Variants in CLMN observed in about 807,000 individuals in gnomAD.
CLMN encodes calmin.
CLMN carries 57 observed loss-of-function variants against 92.7 expected under a neutral mutation model. The ratio of observed to expected loss-of-function variants is 0.61; its 90% CI spans 0.50 to 0.77. The LOEUF is 0.77. Among genes scored for constraint, CLMN ranks in the 30% least tolerant of loss-of-function variants. CLMN has a pLI of 0.00. For synonymous variants in CLMN, 466 were observed against 470.6 expected (o/e 0.99, Z 0.13); for missense variants, 1,158 against 1,237.5 (o/e 0.94, Z 0.96).
At position 95,221,541 on chromosome 14, in the gene CLMN, G is replaced by C. The variant is rs76374579; in HGVS notation, c.324+150C>G. 7 of 669,448 alleles carry C rather than the reference G, an allele frequency of 1.0e-5. No homozygotes were observed. The East Asian group carries it at 1.9e-4, about 18-fold the overall frequency. 41.5% of individuals were successfully genotyped at this position (669,448 alleles called of 1,614,324 possible). On this transcript the variant is annotated intron_variant, in intron 4 of 12. Transcript: ENST00000298912. ...TTCCCAACGGAGGGGTCATCTGAGT[G>C]ATTTCTGTGAAATTTAAGCTTAGTT...
rs571217671 is a variant in CLMN, at chr14:95,219,204, G to A, written c.324+2487C>T. On this transcript the variant is annotated intron_variant, in intron 4 of 12. Coordinates refer to ENST00000298912, the MANE Select transcript of CLMN (RefSeq NM_024734.4). ...CTGGAAGCAAACCTAGGACCTACTA[G>A]GTAATTCTGATAAATGCAGCAGGAG... 7.9e-5 allele frequency among the ~76,000 whole-genome samples: 12 copies of A among 152,306 alleles called. No individual in the cohort carries two copies. The East Asian group carries it at 1.9e-3, about 24-fold the overall frequency.
intron 1 of CLMN, among the ~76,000 whole-genome samples, chr14:95,296,559 T>C (rs1900817526): frequency 2.6e-5 from 4 of 152,246 alleles, no homozygotes; most frequent in African/African-American, 4.8e-5. Flanking sequence ...ACCAATAAGA[T>C]GTCAGCAGAA....
intron 1 of CLMN, among the ~76,000 whole-genome samples, chr14:95,311,476 AC>A (rs951389792): frequency 2.6e-5 from 4 of 151,742 alleles, no homozygotes; most frequent in African/African-American, 9.7e-5. Context: ...CACCAAAATG[AC>A]CCCAGGACTT....
At chr14:95,222,049 G>A (rs1897559620) in intron 3 of CLMN, among the ~76,000 whole-genome samples, 1 of 152,172 alleles carries the variant, frequency 6.6e-6, no homozygotes, top group Non-Finnish European at 1.5e-5. Flanking sequence ...GAACTGAAGT[G>A]GGTCAGCAAG....
chr14:95,246,500 G>A (rs1311828588), intron 1 of CLMN, among the ~76,000 whole-genome samples: 2 of 152,144 alleles, frequency 1.3e-5, no homozygotes, highest in South Asian at 2.1e-4. Context: ...ATGGAGTCTC[G>A]CTCTGTCGCC....
chr14:95,317,731 AAAG>A (rs1489486092), intron 1 of CLMN, among the ~76,000 whole-genome samples: 1 of 152,196 alleles, frequency 6.6e-6, no homozygotes, highest in African/African-American at 2.4e-5. Flanking sequence ...ATTGGCTGAG[AAAG>A]AAGATGAATC....
intron 1 of CLMN, among the ~76,000 whole-genome samples, chr14:95,319,194 C>G (rs1240536452): frequency 2.0e-5 from 3 of 152,206 alleles, no homozygotes; most frequent in Non-Finnish European, 2.9e-5. Context: ...TTGCCTGACC[C>G]CACCGATCCG....
chr14:95,254,043 C>G (rs1037012788), intron 1 of CLMN, among the ~76,000 whole-genome samples: 3 of 152,190 alleles, frequency 2.0e-5, no homozygotes, highest in Admixed American at 1.3e-4. Flanking sequence ...CCGAGAACCC[C>G]TGTCAAGATG....
intron 1 of CLMN, among the ~76,000 whole-genome samples, chr14:95,248,417 C>T (rs1204428398): frequency 2.0e-5 from 3 of 152,148 alleles, no homozygotes; most frequent in Admixed American, 6.5e-5. Context: ...GGCACAGAGA[C>T]GTTAGGTTAC....
At chr14:95,223,332 G>C (rs1034725133) in intron 3 of CLMN, among the ~76,000 whole-genome samples, 4 of 152,178 alleles carry the variant, frequency 2.6e-5, no homozygotes, top group African/African-American at 9.6e-5. Flanking sequence ...TGAACGTCAA[G>C]ACCAGCTGGC....
intron 5 of CLMN, among the ~76,000 whole-genome samples, chr14:95,214,129 A>G (rs1897266827): frequency 6.6e-6 from 1 of 152,002 alleles, no homozygotes; most frequent in Non-Finnish European, 1.5e-5. Context: ...CTGTGATCCT[A>G]AAGGGTCATG....
intron 1 of CLMN, among the ~76,000 whole-genome samples, chr14:95,278,218 G>T (rs1900007110): frequency 1.3e-5 from 2 of 152,180 alleles, no homozygotes; most frequent in South Asian, 4.1e-4. Flanking sequence ...CTTTGCAAAA[G>T]TTCAAAAGCC....
intron 9 of CLMN, among the ~76,000 whole-genome samples, chr14:95,200,973 G>A (rs181228594): frequency 7.2e-6 from 1 of 137,990 alleles, no homozygotes; most frequent in East Asian, 2.4e-4. Context: ...TATGTTAGTG[G>A]TAAGTTATGA....
intron 1 of CLMN, among the ~76,000 whole-genome samples, chr14:95,282,717 C>T (rs1332200319): frequency 6.6e-6 from 1 of 152,238 alleles, no homozygotes; most frequent in African/African-American, 2.4e-5. Context: ...TTTATATTAC[C>T]CCTGGACAAG....
intron 1 of CLMN, among the ~76,000 whole-genome samples, chr14:95,232,723 T>A (rs1897928792): frequency 1.3e-5 from 2 of 151,894 alleles, no homozygotes; most frequent in African/African-American, 4.8e-5. Flanking sequence ...AGTACCAGAG[T>A]CTTGGAGACT....
chr14:95,196,793 G>T, intron 9 of CLMN, 99 bp from the exon 10 acceptor site: 4 of 1,151,234 alleles, frequency 3.5e-6, no homozygotes, highest in South Asian at 3.1e-5. Context: ...CAGCCAGGGC[G>T]TCCCTTCCAA....
At chr14:95,245,186 A>AT in intron 1 of CLMN, among the ~76,000 whole-genome samples, 1 of 37,704 alleles carries the variant, frequency 2.7e-5, no homozygotes, top group African/African-American at 1.2e-4. Flanking sequence ...ATATATATAT[A>AT]TATATATAAT....
chr14:95,290,367 A>C (rs114941603), intron 1 of CLMN, among the ~76,000 whole-genome samples: 165 of 152,356 alleles, frequency 1.1e-3, no homozygotes, highest in African/African-American at 3.8e-3. Context: ...TGTGTTAAGG[A>C]TCTTGAGATG....
chr14:95,193,435 T>C lies in CLMN; in HGVS notation c.2840+414A>G, dbSNP rs189201785. 431 of 1,458,712 alleles carry C rather than the reference T, an allele frequency of 3.0e-4. 2 individuals are homozygous for C. The African/African-American group carries it at 4.8e-3, about 16-fold the overall frequency. The allele number at this position is 1,458,712 out of a possible 1,614,324, so 90.4% of individuals were successfully genotyped here. A position where few individuals can be genotyped will look rare whatever the true frequency, so the allele number is the denominator to read the frequency against. Reference sequence around the variant, plus strand: ...CTGTACCTGCAGTGGCAACAGAGAATGGACAGGCGTCAGGGGCTACAGCAT... The same window carrying C: ...CTGTACCTGCAGTGGCAACAGAGAACGGACAGGCGTCAGGGGCTACAGCAT... On this transcript the variant is annotated intron_variant, in intron 12 of 12. Coordinates refer to ENST00000298912, the MANE Select transcript of CLMN (RefSeq NM_024734.4).
Sources: gnomAD v4.1 joint callset for allele counts (sites outside exome capture counted in the v4.1 genomes callset) on GRCh38, gnomAD v4.1.1 for gene constraint, MANE v1.5 for transcripts, NCBI Gene and HGNC (gene_info 2026-07-23, HGNC 2026-07-21) for gene names.